Variants in PTPRO observed in about 807,000 individuals in gnomAD.
PTPRO encodes the protein receptor-type tyrosine-protein phosphatase O.
In PTPRO, 62 loss-of-function variants were observed where a neutral mutation model predicts 145.2. The ratio of observed to expected loss-of-function variants is 0.43; its 90% CI spans 0.35 to 0.53. The LOEUF (loss-of-function observed/expected upper bound fraction) is 0.53, where lower values mean the gene tolerates loss of function less well. Among genes scored for constraint, PTPRO ranks in the 20% least tolerant of loss-of-function variants. The pLI is 0.01. For missense variants in PTPRO, 1,345 were observed against 1,482.7 expected, an observed-to-expected ratio of 0.91 and a Z score of 1.53; for synonymous variants, 565 against 514.7, an observed-to-expected ratio of 1.10 and a Z score of -1.32.
At chr12:15,462,215 C>T (rs1423051267) in intron 1 of PTPRO, among the ~76,000 whole-genome samples, 1 of 152,156 alleles carries the variant, frequency 6.6e-6, no homozygotes, top group Admixed American at 6.5e-5. Context: ...ACCTCCACCT[C>T]CTGGGTTCAA....
chr12:15,594,786 C>G, intron 25 of PTPRO, 151 bp from the exon 26 acceptor site: 1 of 641,994 alleles, frequency 1.6e-6, no homozygotes, highest in Middle Eastern at 4.2e-4. Flanking sequence ...AGTTGATTCT[C>G]TTGGATTTTC....
chr12:15,439,729 A>C, intron 1 of PTPRO: 2 of 532,850 alleles, frequency 3.8e-6, no homozygotes, highest in Non-Finnish European at 3.6e-6. Flanking sequence ...TGGACCTCCT[A>C]GTCAAGGACA....
At chr12:15,363,274 T>G (rs1938263228) in intron 1 of PTPRO, among the ~76,000 whole-genome samples, 1 of 152,180 alleles carries the variant, frequency 6.6e-6, no homozygotes, top group African/African-American at 2.4e-5. Context: ...TGAAACCATC[T>G]TCTCCAGGGA....
intron 22 of PTPRO, 126 bp downstream of exon 22, chr12:15,580,957 T>C: frequency 1.5e-6 from 2 of 1,312,822 alleles, no homozygotes; most frequent in Non-Finnish European, 2.2e-6. Context: ...TTTAAAACAT[T>C]GTATTCGGGA....
intron 18 of PTPRO, among the ~76,000 whole-genome samples, chr12:15,568,924 A>G (rs894099836): frequency 2.6e-5 from 4 of 152,340 alleles, no homozygotes; most frequent in African/African-American, 9.6e-5. Flanking sequence ...GTTGAAACTT[A>G]CAAAGTTCTT....
At position 15,597,720 on chromosome 12, in the gene PTPRO, G is replaced by T. The variant is rs929334781; in HGVS notation, c.*1647G>T. Among the ~76,000 whole-genome samples, 7 of 152,188 alleles carry T rather than the reference G, an allele frequency of 4.6e-5. No homozygotes were observed. Among genetic ancestry groups the T allele is most frequent in the African/African-American group, 1.7e-4 (7 of 41,452 alleles). On this transcript the variant is annotated 3_prime_UTR_variant, in exon 27 of 27. Coordinates refer to ENST00000281171, the MANE Select transcript of PTPRO (RefSeq NM_030667.3). ...GATGCCCATACCCTGCAGGTTAACA[G>T]CTTGGGCTCCTCAGGGGTTGTCAGT...
At chr12:15,422,599 G>A (rs1940177081) in intron 1 of PTPRO, among the ~76,000 whole-genome samples, 1 of 152,092 alleles carries the variant, frequency 6.6e-6, no homozygotes, top group East Asian at 1.9e-4. Flanking sequence ...ATTTTTCACA[G>A]AGGAAATTAG....
chr12:15,474,802 C>T (rs551128995), intron 1 of PTPRO, among the ~76,000 whole-genome samples: 2 of 152,194 alleles, frequency 1.3e-5, no homozygotes, highest in African/African-American at 2.4e-5. Flanking sequence ...ATGCCTGCAG[C>T]GTACACTCAG....
chr12:15,370,648 A>G (rs1591750692), intron 1 of PTPRO, among the ~76,000 whole-genome samples: 1 of 152,316 alleles, frequency 6.6e-6, no homozygotes, highest in African/African-American at 2.4e-5. Flanking sequence ...TTCTTAATCC[A>G]TAAAACATTT....
intron 1 of PTPRO, among the ~76,000 whole-genome samples, chr12:15,448,339 T>TAAAAAAAGAAAAAAAAA (rs1940957016): frequency 2.2e-5 from 1 of 45,020 alleles, no homozygotes; most frequent in Admixed American, 4.7e-4. Flanking sequence ...CTGTTCCTAG[T>TAAAAAAAGAAAAAAAAA]AAAAAAAAAA....
intron 1 of PTPRO, among the ~76,000 whole-genome samples, chr12:15,422,015 T>C (rs995088311): frequency 6.6e-6 from 1 of 151,938 alleles, no homozygotes; most frequent in Non-Finnish European, 1.5e-5. Context: ...AAAACAAATA[T>C]GAAGCTCGCC....
intron 1 of PTPRO, among the ~76,000 whole-genome samples, chr12:15,324,037 CA>C (rs1390409904): frequency 1.3e-5 from 2 of 151,986 alleles, no homozygotes; most frequent in Non-Finnish European, 1.5e-5. Context: ...TATCAATAAT[CA>C]TTAATTTTAA....
At chr12:15,433,391 G>A (rs1940505330) in intron 1 of PTPRO, among the ~76,000 whole-genome samples, 1 of 152,186 alleles carries the variant, frequency 6.6e-6, no homozygotes, top group Non-Finnish European at 1.5e-5. Flanking sequence ...CACCGTGTTA[G>A]CCAGGATGGT....
intron 10 of PTPRO, among the ~76,000 whole-genome samples, chr12:15,522,717 T>A (rs1942750857): frequency 6.6e-6 from 1 of 152,222 alleles, no homozygotes; most frequent in South Asian, 2.1e-4. Flanking sequence ...TTCAGTTGGC[T>A]AGCCCTCAAT....
intron 1 of PTPRO, among the ~76,000 whole-genome samples, chr12:15,400,437 CT>C (rs1939460327): frequency 6.6e-6 from 1 of 152,208 alleles, no homozygotes; most frequent in African/African-American, 2.4e-5. Flanking sequence ...GTCATTTCTT[CT>C]TCATGCCTGT....
chr12:15,437,042 G>A (rs1456646356), intron 1 of PTPRO, among the ~76,000 whole-genome samples: 1 of 151,856 alleles, frequency 6.6e-6, no homozygotes, highest in African/African-American at 2.4e-5. Context: ...GCAGAAATCT[G>A]GGTATTTGGA....
intron 1 of PTPRO, among the ~76,000 whole-genome samples, chr12:15,393,639 T>C (rs1271421285): frequency 6.6e-6 from 1 of 152,086 alleles, no homozygotes; most frequent in Non-Finnish European, 1.5e-5. Flanking sequence ...TTTTTTTTTT[T>C]TTTTTCTGAG....
At chr12:15,349,760 A>G (rs894102809) in intron 1 of PTPRO, among the ~76,000 whole-genome samples, 2 of 152,204 alleles carry the variant, frequency 1.3e-5, no homozygotes, top group Non-Finnish European at 2.9e-5. Context: ...CTACCATGGC[A>G]GGAACAGGGA....
At chr12:15,556,849 A>T (rs1943640662) in intron 15 of PTPRO, among the ~76,000 whole-genome samples, 1 of 152,182 alleles carries the variant, frequency 6.6e-6, no homozygotes, top group African/African-American at 2.4e-5. Context: ...TACCCCAAAT[A>T]GTTCAAATAT....
Sources: gnomAD v4.1 joint callset for allele counts (sites outside exome capture counted in the v4.1 genomes callset) on GRCh38, gnomAD v4.1.1 for gene constraint, MANE v1.5 for transcripts, NCBI Gene and HGNC (gene_info 2026-07-23, HGNC 2026-07-21) for gene names.